DCC: variants seen among roughly 807,000 people sequenced by gnomAD.
DCC encodes the protein netrin receptor DCC.
DCC carries 58 observed loss-of-function variants against 172.5 expected under a neutral mutation model. The ratio of observed to expected loss-of-function variants is 0.34; its 90% CI spans 0.27 to 0.42. DCC has a LOEUF of 0.42. Ranked by LOEUF, DCC falls within the 10% of genes least tolerant of loss-of-function variation. The pLI, the probability that DCC is intolerant of heterozygous loss-of-function variation, is 1.00. For synonymous variants in DCC, 709 were observed against 644.5 expected (o/e 1.10, Z -1.52); for missense variants, 1,740 against 1,791.0 (o/e 0.97, Z 0.51).
chr18:52,556,154 A>C (rs775399622), intron 1 of DCC, among the ~76,000 whole-genome samples: 38 of 152,150 alleles, frequency 2.5e-4, no homozygotes, highest in Non-Finnish European at 4.4e-4. Flanking sequence ...AATCCTATAC[A>C]TTCCTCATAG....
chr18:52,784,983 G>A (rs193189110), intron 2 of DCC, among the ~76,000 whole-genome samples: 15 of 151,850 alleles, frequency 9.9e-5, no homozygotes, highest in African/African-American at 3.4e-4. Flanking sequence ...AAAAAGTGGG[G>A]AGGTGGTTGA....
chr18:53,250,106 T>G (rs1003193438), intron 12 of DCC, among the ~76,000 whole-genome samples: 1 of 151,920 alleles, frequency 6.6e-6, no homozygotes, highest in East Asian at 1.9e-4. Context: ...ATTCTGCCCT[T>G]AAGAGAGAAC....
intron 2 of DCC, among the ~76,000 whole-genome samples, chr18:52,755,440 C>A (rs532572906): frequency 1.3e-5 from 2 of 152,170 alleles, no homozygotes; most frequent in Non-Finnish European, 2.9e-5. Context: ...GATAGGCACA[C>A]GGATTCAGTC....
At chr18:53,341,420 C>G (rs989091127) in intron 15 of DCC, among the ~76,000 whole-genome samples, 7 of 152,104 alleles carry the variant, frequency 4.6e-5, no homozygotes, top group African/African-American at 1.7e-4. Context: ...CAAATCTCCC[C>G]AAATGCTTAA....
chr18:52,807,488 C>A (rs990081062), intron 2 of DCC, among the ~76,000 whole-genome samples: 2 of 151,856 alleles, frequency 1.3e-5, no homozygotes, highest in African/African-American at 2.4e-5. Context: ...AACATACATA[C>A]TTGATTGTTT....
Position 52,930,427 on chromosome 18 carries a change from TACAAAA to T in DCC, c.985+5068_985+5073del, listed in dbSNP as rs538450814. Among the ~76,000 whole-genome samples, 80 of 152,272 alleles carry T rather than the reference TACAAAA, an allele frequency of 5.3e-4. 3 individuals carry two copies. The South Asian group carries it at 0.015, about 29-fold the overall frequency. ...GGGGAACATAGCAAGATCCTGTATCTACAAAAACAAAAACAACCCACTAAGTTAATT... is the reference window on the plus strand; with the variant it reads ...GGGGAACATAGCAAGATCCTGTATCTACAAAAACAACCCACTAAGTTAATT... On this transcript the variant is annotated intron_variant, in intron 5 of 28. Coordinates refer to ENST00000442544, the MANE Select transcript of DCC (RefSeq NM_005215.4).
chr18:52,672,353 A>T (rs898350836), intron 1 of DCC, among the ~76,000 whole-genome samples: 2 of 152,210 alleles, frequency 1.3e-5, no homozygotes, highest in Admixed American at 6.5e-5. Context: ...AACCTAAATT[A>T]CCTAAAATCC....
intron 12 of DCC, among the ~76,000 whole-genome samples, chr18:53,285,046 A>G (rs959003753): frequency 5.3e-5 from 8 of 152,174 alleles, no homozygotes; most frequent in African/African-American, 1.7e-4. Context: ...TCTCAAAGGC[A>G]TTAAATTTTA....
chr18:53,173,581 A>C (rs2055045747), intron 8 of DCC, among the ~76,000 whole-genome samples: 2 of 152,176 alleles, frequency 1.3e-5, no homozygotes, highest in Admixed American at 1.3e-4. Context: ...AGAGACAAAG[A>C]AGGTCATTAC....
intron 2 of DCC, among the ~76,000 whole-genome samples, chr18:52,903,942 A>G (rs2039844206): frequency 6.6e-6 from 1 of 152,242 alleles, no homozygotes; most frequent in African/African-American, 2.4e-5. Flanking sequence ...ATTTTGAGCA[A>G]TAAGCCTGGG....
rs117954119 is a variant in DCC, at chr18:52,458,406, A to G, written c.91+117528A>G. Among the ~76,000 whole-genome samples, 1,081 of 152,182 alleles carry G rather than the reference A, an allele frequency of 7.1e-3. 7 individuals are homozygous for G. The highest frequency in any genetic ancestry group is 0.01 in the Non-Finnish European group (714 of 68,016). On this transcript the variant is annotated intron_variant, in intron 1 of 28. Transcript: ENST00000442544. ...TTAGGGGTACTGGGTGCAGTACTCTATGTCGTTCAATCTTAAGCAGCAGAG... is the reference window on the plus strand; with the variant it reads ...TTAGGGGTACTGGGTGCAGTACTCTGTGTCGTTCAATCTTAAGCAGCAGAG...
At chr18:53,032,240 A>T (rs1195612932) in intron 5 of DCC, among the ~76,000 whole-genome samples, 1 of 152,176 alleles carries the variant, frequency 6.6e-6, no homozygotes, top group African/African-American at 2.4e-5. Context: ...ATTGATTCTA[A>T]TTTTCTCTAT....
At chr18:52,859,495 A>T (rs905050712) in intron 2 of DCC, among the ~76,000 whole-genome samples, 33 of 152,238 alleles carry the variant, frequency 2.2e-4, no homozygotes, top group African/African-American at 7.7e-4. Context: ...ATCATGGCAA[A>T]ATAGGCTATA....
intron 12 of DCC, among the ~76,000 whole-genome samples, chr18:53,220,001 A>G (rs2055907189): frequency 6.6e-6 from 1 of 151,908 alleles, no homozygotes. Flanking sequence ...TTTTGATGGA[A>G]GTCTCTATAC....
At chr18:53,349,393 G>A (rs1269018144) in intron 15 of DCC, among the ~76,000 whole-genome samples, 3 of 152,070 alleles carry the variant, frequency 2.0e-5, no homozygotes, top group Middle Eastern at 3.2e-3. Context: ...AGTTCCAAAC[G>A]TTTCCACATT....
intron 1 of DCC, among the ~76,000 whole-genome samples, chr18:52,568,020 A>C (rs1431792392): frequency 6.6e-6 from 1 of 152,138 alleles, no homozygotes. Flanking sequence ...TGCAAATATC[A>C]ATTTTTTGGT....
intron 8 of DCC, among the ~76,000 whole-genome samples, chr18:53,171,392 C>A (rs1182671648): frequency 6.6e-6 from 1 of 152,146 alleles, no homozygotes; most frequent in Admixed American, 6.5e-5. Context: ...ACATAGCAAG[C>A]ACAATGCATT....
At chr18:52,550,502 G>A (rs1387043327) in intron 1 of DCC, among the ~76,000 whole-genome samples, 1 of 152,000 alleles carries the variant, frequency 6.6e-6, no homozygotes, top group Non-Finnish European at 1.5e-5. Context: ...TAAGCCTATG[G>A]GCTTTGATAT....
chr18:52,644,871 A>G (rs2034988919), intron 1 of DCC, among the ~76,000 whole-genome samples: 1 of 151,392 alleles, frequency 6.6e-6, no homozygotes, highest in African/African-American at 2.5e-5. Context: ...AAAAATAGAA[A>G]AACAATTTGC....
Sources: gnomAD v4.1 joint callset for allele counts (sites outside exome capture counted in the v4.1 genomes callset) on GRCh38, gnomAD v4.1.1 for gene constraint, MANE v1.5 for transcripts, NCBI Gene and HGNC (gene_info 2026-07-23, HGNC 2026-07-21) for gene names.